Variants in PTER observed in about 807,000 individuals in gnomAD.
PTER encodes N-acetyltaurine hydrolase.
PTER carries 38 observed loss-of-function variants against 29.6 expected under a neutral mutation model. The ratio of observed to expected loss-of-function variants is 1.28; its 90% confidence interval spans 0.99 to 1.68. The LOEUF (loss-of-function observed/expected upper bound fraction) is 1.68. PTER is among the 40% of genes most tolerant of loss of function. PTER has a pLI of 0.00. For missense variants in PTER, 482 were observed against 427.8 expected, an observed-to-expected ratio of 1.13 and a Z score of -1.12; for synonymous variants, 172 against 154.5, an observed-to-expected ratio of 1.11 and a Z score of -0.84.
intron 3 of PTER, among the ~76,000 whole-genome samples, chr10:16,497,349 G>A (rs185405085): frequency 9.9e-4 from 149 of 150,894 alleles, no homozygotes; most frequent in African/African-American, 3.2e-3. Context: ...TTCATTCTTC[G>A]TTCGCAATAC....
chr10:16,482,434 C>G (rs1835515188), intron 1 of PTER, among the ~76,000 whole-genome samples: 1 of 152,182 alleles, frequency 6.6e-6, no homozygotes, highest in Non-Finnish European at 1.5e-5. Flanking sequence ...CAAAACAAAG[C>G]TACTATTTGT....
At chr10:16,449,438 T>A (rs1468579036) in intron 1 of PTER, among the ~76,000 whole-genome samples, 5 of 145,742 alleles carry the variant, frequency 3.4e-5, no homozygotes, top group Non-Finnish European at 7.5e-5. Context: ...CTTTTTTTTT[T>A]TTTTTTTTTT....
chr10:16,471,485 C>T (rs1033727800), intron 1 of PTER, among the ~76,000 whole-genome samples: 14 of 152,146 alleles, frequency 9.2e-5, no homozygotes, highest in African/African-American at 2.9e-4. Context: ...GGTCGATCTT[C>T]ACTCCTCCTG....
At position 16,512,640 on chromosome 10, in the gene PTER, T is replaced by A. The variant is rs1331954594; in HGVS notation, c.*1384T>A. The A allele has an allele frequency of 6.6e-6, 1 of 151,980 alleles. No individual in the cohort carries two copies. The highest frequency in any genetic ancestry group is 2.1e-4 in the South Asian group (1 of 4,828). The allele number at this position is 151,980 out of a possible 1,614,324, so 9.4% of individuals were successfully genotyped here. On this transcript the variant is annotated 3_prime_UTR_variant, in exon 5 of 5. Transcript: ENST00000535784. ...AAAAGATATTTCTGCTGATCAAAGA[T>A]GATCAAGCTTTCTGTGTATTGGAAC... is the stretch of plus-strand genomic sequence containing the variant.
At chr10:16,478,554 G>A (rs750831327) in intron 1 of PTER, among the ~76,000 whole-genome samples, 4 of 151,582 alleles carry the variant, frequency 2.6e-5, no homozygotes, top group Non-Finnish European at 4.4e-5. Flanking sequence ...GGCTAGTCTC[G>A]AACACCTGAC....
intron 1 of PTER, among the ~76,000 whole-genome samples, chr10:16,482,065 C>G: frequency 6.6e-6 from 1 of 152,184 alleles, no homozygotes; most frequent in East Asian, 1.9e-4. Flanking sequence ...CTCTTAGCCA[C>G]CATTTGAATT....
chr10:16,438,992 A>T (rs1035436419), intron 1 of PTER, among the ~76,000 whole-genome samples: 13 of 151,170 alleles, frequency 8.6e-5, no homozygotes, highest in African/African-American at 3.2e-4. Context: ...ATTTATGAGG[A>T]TAAGATCCTG....
At chr10:16,487,399 G>C (rs190283131) in intron 3 of PTER, among the ~76,000 whole-genome samples, 1 of 152,200 alleles carries the variant, frequency 6.6e-6, no homozygotes, top group Admixed American at 6.5e-5. Flanking sequence ...CTCTGTCTTC[G>C]CATAGCCTTT....
At chr10:16,447,265 T>C (rs1834049623) in intron 1 of PTER, among the ~76,000 whole-genome samples, 2 of 151,802 alleles carry the variant, frequency 1.3e-5, no homozygotes, top group Non-Finnish European at 2.9e-5. Flanking sequence ...ACCTAATTTT[T>C]TTTTTTTTAC....
chr10:16,511,312 G>A lies in PTER; in HGVS notation c.*56G>A, dbSNP rs980038186. On this transcript the variant is annotated 3_prime_UTR_variant, in exon 5 of 5. Coordinates refer to ENST00000535784, the MANE Select transcript of PTER (RefSeq NM_001261836.2). Reference sequence around the variant, plus strand: ...ATAAAACTTGCAGAGAACATTCAGCGATTTCCAGTCCACTGTGAGATATTA... The same window carrying A: ...ATAAAACTTGCAGAGAACATTCAGCAATTTCCAGTCCACTGTGAGATATTA... 6.9e-6 allele frequency: 10 copies of A among 1,449,272 alleles called. No homozygotes were observed. Among genetic ancestry groups the A allele is most frequent in the Non-Finnish European group, 9.7e-6 (10 of 1,034,382 alleles). 89.8% of individuals were successfully genotyped at this position (1,449,272 alleles called of 1,614,324 possible).
At chr10:16,457,509 G>A (rs11254001) in intron 1 of PTER, among the ~76,000 whole-genome samples, 18,575 of 152,060 alleles carry the variant, frequency 0.12, 1,812 homozygotes, top group African/African-American at 0.26. Flanking sequence ...CACTGTGCCC[G>A]GCCCCTTTAG....
At chr10:16,488,011 A>C (rs1468926766) in intron 3 of PTER, among the ~76,000 whole-genome samples, 1 of 152,356 alleles carries the variant, frequency 6.6e-6, no homozygotes, top group African/African-American at 2.4e-5. Flanking sequence ...CTTAATAAAA[A>C]ATACTGTGAA....
intron 1 of PTER, among the ~76,000 whole-genome samples, chr10:16,477,036 G>T (rs1306077351): frequency 6.6e-6 from 1 of 151,476 alleles, no homozygotes; most frequent in African/African-American, 2.4e-5. Context: ...CTCTCAAGTA[G>T]CTGGGACTAT....
chr10:16,449,472 G>A (rs74567609), intron 1 of PTER, among the ~76,000 whole-genome samples: 18,686 of 123,214 alleles, frequency 0.15, 1,408 homozygotes, highest in Middle Eastern at 0.34. Flanking sequence ...CACTCACTCC[G>A]TCGCCCAGGG....
At chr10:16,516,336 G>A (rs1344799446), downstream of PTER, among the ~76,000 whole-genome samples, 1 of 152,112 alleles carries the variant, frequency 6.6e-6, no homozygotes, top group Non-Finnish European at 1.5e-5. Context: ...TCATGAGTTT[G>A]TAGGAGTTGA....
chr10:16,502,207 C>T (rs1024366732), intron 3 of PTER, among the ~76,000 whole-genome samples: 2 of 152,182 alleles, frequency 1.3e-5, no homozygotes, highest in Non-Finnish European at 2.9e-5. Flanking sequence ...GACTCCTGCC[C>T]TCCCCCAGTA....
chr10:16,497,921 A>G (rs973798349), intron 3 of PTER, among the ~76,000 whole-genome samples: 1 of 148,626 alleles, frequency 6.7e-6, no homozygotes, highest in African/African-American at 2.5e-5. Flanking sequence ...TTTGGACACC[A>G]TTTTTTTTTT....
At chr10:16,507,201 C>CATATATATAT (rs55959560) in intron 4 of PTER, among the ~76,000 whole-genome samples, 1,542 of 140,374 alleles carry the variant, frequency 0.011, 19 homozygotes, top group African/African-American at 0.03. Flanking sequence ...GTGGGTGGAG[C>CATATATATAT]ATATATATAT....
chr10:16,466,326 G>T (rs1834826212), intron 1 of PTER, among the ~76,000 whole-genome samples: 1 of 150,600 alleles, frequency 6.6e-6, no homozygotes, highest in South Asian at 2.1e-4. Context: ...CACCAAACAG[G>T]CTAGGTTAGA....
Sources: allele counts gnomAD v4.1 joint callset (sites outside exome capture counted in the v4.1 genomes callset), GRCh38; gene constraint gnomAD v4.1.1; transcripts MANE v1.5; gene names NCBI Gene and HGNC (gene_info 2026-07-23, HGNC 2026-07-21).